The following NRXN3 variants were observed in gnomAD, a reference collection of about 807,000 sequenced individuals.
NRXN3 encodes the protein neurexin 3, also known as neurexin III.
A neutral mutation model predicts 137.6 loss-of-function variants in NRXN3; 32 were observed. The ratio of observed to expected loss-of-function variants is 0.23; its 90% CI spans 0.18 to 0.31. The LOEUF (loss-of-function observed/expected upper bound fraction) is 0.31, where lower values mean the gene tolerates loss of function less well. Among genes scored for constraint, NRXN3 ranks in the 10% least tolerant of loss-of-function variants. NRXN3 has a pLI of 1.00. For synonymous variants in NRXN3, 798 were observed against 784.5 expected (o/e 1.02, Z -0.29); for missense variants, 1,574 against 2,062.5 (o/e 0.76, Z 4.59).
At chr14:79,047,890 T>A (rs1158599547) in intron 15 of NRXN3, among the ~76,000 whole-genome samples, 1 of 152,162 alleles carries the variant, frequency 6.6e-6, no homozygotes, top group African/African-American at 2.4e-5. Flanking sequence ...TAGTTAAACA[T>A]AAATCTAAAC....
At chr14:79,769,402 C>T (rs1038962398) in intron 19 of NRXN3, among the ~76,000 whole-genome samples, 37 of 151,972 alleles carry the variant, frequency 2.4e-4, no homozygotes, top group Admixed American at 1.3e-4. Flanking sequence ...AAAGGGAAGC[C>T]CATCAGACTA....
chr14:79,040,130 T>C lies in NRXN3; in HGVS notation c.3262+51989T>C, dbSNP rs533432975. 2.0e-5 allele frequency among the ~76,000 whole-genome samples: 3 copies of C among 152,284 alleles called. No homozygotes were observed. In the East Asian group the frequency reaches 5.8e-4, roughly 29 times the overall value. ...CTTTATAGCAATGACCACATTTTGG[T>C]ATTGTTTTGGATATTGGTTACCTTG... On this transcript the variant is annotated intron_variant, in intron 15 of 20. Coordinates refer to ENST00000335750, the MANE Select transcript of NRXN3 (RefSeq NM_001330195.2).
chr14:79,080,468 C>A (rs1182937387), intron 15 of NRXN3, among the ~76,000 whole-genome samples: 1 of 151,940 alleles, frequency 6.6e-6, no homozygotes, highest in Non-Finnish European at 1.5e-5. Context: ...GTGGGAGATC[C>A]CCAAAATAAT....
intron 6 of NRXN3, among the ~76,000 whole-genome samples, chr14:78,700,383 G>C (rs2098267387): frequency 6.6e-6 from 1 of 152,202 alleles, no homozygotes; most frequent in Admixed American, 6.5e-5. Flanking sequence ...CTTCATCTGG[G>C]TTGAGTGGAA....
intron 17 of NRXN3, among the ~76,000 whole-genome samples, chr14:79,690,416 AT>A (rs1343261720): frequency 3.3e-5 from 5 of 151,778 alleles, no homozygotes; most frequent in Non-Finnish European, 5.9e-5. Context: ...TGCCCTCTCC[AT>A]TTTTTTCTAT....
intron 4 of NRXN3, among the ~76,000 whole-genome samples, chr14:78,425,745 C>A (rs1487665712): frequency 6.6e-6 from 1 of 152,202 alleles, no homozygotes; most frequent in African/African-American, 2.4e-5. Flanking sequence ...CTCTTGGCTC[C>A]TGGCCCTACC....
chr14:79,578,177 T>C (rs1249994360), intron 16 of NRXN3, among the ~76,000 whole-genome samples: 1 of 152,184 alleles, frequency 6.6e-6, no homozygotes, highest in East Asian at 1.9e-4. Flanking sequence ...TGTGATTTAT[T>C]GTAAGGACAG....
intron 4 of NRXN3, among the ~76,000 whole-genome samples, chr14:78,313,373 G>A (rs933159907): frequency 3.3e-5 from 5 of 152,148 alleles, no homozygotes; most frequent in African/African-American, 1.2e-4. Flanking sequence ...GTTCTTGCTT[G>A]ACAGTTTGTT....
chr14:78,779,847 A>G (rs1428336750), intron 8 of NRXN3, among the ~76,000 whole-genome samples: 1 of 152,248 alleles, frequency 6.6e-6, no homozygotes, highest in Non-Finnish European at 1.5e-5. Flanking sequence ...ATATTTATGT[A>G]TGGGTAGACT....
rs980344494 is a variant in NRXN3 at position 79,087,952 on chromosome 14, C to T, written c.3262+99811C>T. 4.0e-5 allele frequency among the ~76,000 whole-genome samples: 6 copies of T among 150,694 alleles called. 1 individual carries two copies. The highest frequency in any genetic ancestry group is 1.5e-4 in the African/African-American group (6 of 40,032). The stretch of plus-strand genomic sequence containing the variant: ...TTTGGGAAATAACAACTAGTTGTTT[C>T]TGGTTAAAGCAACACCAGTATTTGG... On this transcript the variant is annotated intron_variant, in intron 15 of 20. Transcript: ENST00000335750.
At chr14:78,541,356 C>A (rs1328754109) in intron 4 of NRXN3, among the ~76,000 whole-genome samples, 1 of 152,134 alleles carries the variant, frequency 6.6e-6, no homozygotes, top group Non-Finnish European at 1.5e-5. Flanking sequence ...TGCTTTATTT[C>A]ATTAATTTGA....
rs1471215814 is a variant in NRXN3 at position 79,018,296 on chromosome 14, AG to A, written c.3262+30156del. 7.8e-3 allele frequency among the ~76,000 whole-genome samples: 83 copies of A among 10,686 alleles called. 8 individuals are homozygous for A. Among genetic ancestry groups the A allele is most frequent in the African/African-American group, 0.011 (75 of 6,732 alleles). The allele number at this position is 10,686 out of a possible 152,430, so 7.0% of individuals were successfully genotyped here. ...AAAAAAAAAAAAAAAAAAAAAAAAA[AG>A]AGAGAGAGCAAGAAGAGTGAAAGTT... On this transcript the variant is annotated intron_variant, in intron 15 of 20. Transcript: ENST00000335750.
rs17107497 is a variant in NRXN3, at chr14:78,403,861, T to C, written c.757+106001T>C. The C allele has an allele frequency of 7.1e-3, 7,028 of 985,342 alleles. 292 individuals are homozygous for C. The African/African-American group carries it at 0.096, about 13-fold the overall frequency. 61.0% of individuals were successfully genotyped at this position (985,342 alleles called of 1,614,324 possible). A position where few individuals can be genotyped will look rare whatever the true frequency, so the allele number is the denominator to read the frequency against. ...CTGCACTTCCATTCCTGCAGTGAAA[T>C]TAACTCGAGCTTGGCAGGTAAGTCT... On this transcript the variant is annotated intron_variant, in intron 4 of 20. Coordinates refer to ENST00000335750, the MANE Select transcript of NRXN3 (RefSeq NM_001330195.2).
chr14:78,538,962 GCTGA>G (rs2096562625), intron 4 of NRXN3, among the ~76,000 whole-genome samples: 1 of 152,212 alleles, frequency 6.6e-6, no homozygotes, highest in South Asian at 2.1e-4. Context: ...CAGGGATGAA[GCTGA>G]CTTGATCATG....
chr14:78,304,497 C>G (rs1464746384), intron 4 of NRXN3, among the ~76,000 whole-genome samples: 1 of 152,172 alleles, frequency 6.6e-6, no homozygotes, highest in Non-Finnish European at 1.5e-5. Flanking sequence ...GTGAACTTAC[C>G]TAGAAGTGGC....
chr14:79,822,769 TCA>T (rs2099276459), intron 20 of NRXN3, among the ~76,000 whole-genome samples: 1 of 135,308 alleles, frequency 7.4e-6, no homozygotes, highest in Non-Finnish European at 1.7e-5. Flanking sequence ...ATTTTTAATT[TCA>T]GTTAAAAAAA....
At chr14:79,208,311 A>G (rs2067102211) in intron 15 of NRXN3, among the ~76,000 whole-genome samples, 1 of 152,204 alleles carries the variant, frequency 6.6e-6, no homozygotes, top group South Asian at 2.1e-4. Context: ...ATATCGAGGT[A>G]GGATTAAAGA....
rs1177019484 is a variant in NRXN3 at position 79,054,339 on chromosome 14, A to T, written c.3262+66198A>T. On this transcript the variant is annotated intron_variant, in intron 15 of 20. Transcript: ENST00000335750. The stretch of plus-strand genomic sequence containing the variant: ...GAAAAAAAGAATTAGTGGCTCTTGC[A>T]GTTGTTCAGGCAAGAGATGAAGGAG... Among the ~76,000 whole-genome samples, 3 of 152,170 alleles carry T rather than the reference A, an allele frequency of 2.0e-5. No homozygotes were observed. The East Asian group carries it at 5.8e-4, about 29-fold the overall frequency.
chr14:79,083,894 G>A (rs2047555133), intron 15 of NRXN3, among the ~76,000 whole-genome samples: 1 of 152,064 alleles, frequency 6.6e-6, no homozygotes, highest in Non-Finnish European at 1.5e-5. Flanking sequence ...GATAGCATGG[G>A]AAAGTTTTTT....
Sources: allele counts gnomAD v4.1 joint callset (sites outside exome capture counted in the v4.1 genomes callset), GRCh38; gene constraint gnomAD v4.1.1; transcripts MANE v1.5; gene names NCBI Gene and HGNC (gene_info 2026-07-23, HGNC 2026-07-21).